LRRTM3: variants seen among roughly 807,000 people sequenced by gnomAD.
The protein encoded by LRRTM3 is leucine-rich repeat transmembrane neuronal protein 3.
A neutral mutation model predicts 44.7 loss-of-function variants in LRRTM3; 24 were observed. That is an observed-to-expected ratio of 0.54 (90% CI 0.39 to 0.76). LRRTM3 has a LOEUF of 0.76. LRRTM3 is among the 30% of genes least tolerant of loss of function. The probability of loss-of-function intolerance (pLI) is 0.00; values close to 1 mark genes in which losing one functional copy is unlikely to be tolerated. For missense variants in LRRTM3, 587 were observed against 702.2 expected (o/e 0.84, Z 1.85); for synonymous variants, 277 against 278.7 (o/e 0.99, Z 0.06).
chr10:66,969,734 ATTTT>A (rs1305591514), intron 2 of LRRTM3, among the ~76,000 whole-genome samples: 1 of 152,046 alleles, frequency 6.6e-6, no homozygotes, highest in African/African-American at 2.4e-5. Context: ...GTGAGATTGA[ATTTT>A]TTGTTTGTTT....
chr10:67,068,620 A>T (rs1242920800), intron 2 of LRRTM3, among the ~76,000 whole-genome samples: 1 of 152,236 alleles, frequency 6.6e-6, no homozygotes, highest in Non-Finnish European at 1.5e-5. Context: ...AAAAAAGACA[A>T]GAAGAAAATG....
intron 2 of LRRTM3, among the ~76,000 whole-genome samples, chr10:66,993,682 T>C (rs550359291): frequency 3.4e-4 from 43 of 125,112 alleles, no homozygotes; most frequent in Non-Finnish European, 6.2e-4. Context: ...CTTGCACTAA[T>C]GATACATAAA....
chr10:67,066,315 C>T (rs978344458), intron 2 of LRRTM3, among the ~76,000 whole-genome samples: 6 of 151,736 alleles, frequency 4.0e-5, no homozygotes, highest in African/African-American at 1.5e-4. Flanking sequence ...GCCTCAGCCT[C>T]CCAAGTAACT....
intron 2 of LRRTM3, among the ~76,000 whole-genome samples, chr10:67,082,537 A>T (rs1857104511): frequency 6.6e-6 from 1 of 152,172 alleles, no homozygotes; most frequent in Admixed American, 6.5e-5. Flanking sequence ...AGAAGTTGAG[A>T]ATCACTTTCT....
chr10:67,005,680 A>ATTTTTTTTTTTTTT (rs1564825972), intron 2 of LRRTM3, among the ~76,000 whole-genome samples: 22 of 26,344 alleles, frequency 8.4e-4, no homozygotes, highest in Admixed American at 1.6e-3. Flanking sequence ...ATTTTACTCC[A>ATTTTTTTTTTTTTT]TCTTTTTTTT....
In LRRTM3 at chr10:67,093,799, C is replaced by G. The variant is rs143770838; in HGVS notation, c.1537-3788C>G. Among the ~76,000 whole-genome samples, 41 of 152,096 alleles carry G rather than the reference C, an allele frequency of 2.7e-4. No homozygotes were observed. In the East Asian group the frequency reaches 7.6e-3, roughly 28 times the overall value. ...CATTTTAGATTTAGTTTATTTGAAA[C>G]ATAAATAGGTTTCATCCTAGTCACA... On this transcript the variant is annotated intron_variant, in intron 2 of 2. Coordinates refer to ENST00000361320, the MANE Select transcript of LRRTM3 (RefSeq NM_178011.5).
intron 2 of LRRTM3, among the ~76,000 whole-genome samples, chr10:66,978,035 GAAAT>G (rs1850151569): frequency 7.1e-6 from 1 of 141,582 alleles, no homozygotes; most frequent in Admixed American, 7.7e-5. Flanking sequence ...CATCATGAGT[GAAAT>G]AAATTTGCAC....
intron 2 of LRRTM3, among the ~76,000 whole-genome samples, chr10:66,962,959 C>A (rs893478590): frequency 1.3e-5 from 2 of 149,902 alleles, no homozygotes; most frequent in African/African-American, 5.0e-5. Flanking sequence ...GGCAAGAATT[C>A]AATAAGTAGT....
intron 2 of LRRTM3, among the ~76,000 whole-genome samples, chr10:66,998,563 G>A (rs78518419): frequency 0.029 from 4,432 of 151,962 alleles, 116 homozygotes; most frequent in Non-Finnish European, 0.038. Context: ...GAATGACAAT[G>A]AACAGAAGAA....
intron 2 of LRRTM3, among the ~76,000 whole-genome samples, chr10:66,948,944 C>T (rs1164898873): frequency 2.6e-5 from 4 of 152,128 alleles, no homozygotes; most frequent in Admixed American, 6.5e-5. Context: ...AGAACAAAGA[C>T]ATAATTCCAG....
At chr10:66,938,324 C>T (rs1297918081) in intron 2 of LRRTM3, among the ~76,000 whole-genome samples, 1 of 152,042 alleles carries the variant, frequency 6.6e-6, no homozygotes. Flanking sequence ...ATATTTTACT[C>T]CCCCAGAACT....
rs559069291 is a variant in LRRTM3 at position 67,005,305 on chromosome 10, G to A, written c.1536+76853G>A. 1.3e-4 allele frequency among the ~76,000 whole-genome samples: 20 copies of A among 152,174 alleles called. No homozygotes were observed. The South Asian group carries it at 4.1e-3, about 32-fold the overall frequency. On this transcript the variant is annotated intron_variant, in intron 2 of 2. Coordinates refer to ENST00000361320, the MANE Select transcript of LRRTM3 (RefSeq NM_178011.5). ...CATCTTTACCAACCTCCTCATCAAT[G>A]TGGAAGAGGCATAATTGAAGGGAGA...
intron 2 of LRRTM3, among the ~76,000 whole-genome samples, chr10:67,036,852 G>T (rs1318673665): frequency 1.3e-5 from 2 of 151,702 alleles, no homozygotes; most frequent in Non-Finnish European, 2.9e-5. Context: ...TAGGATAAAA[G>T]CAAAATATAT....
intron 2 of LRRTM3, among the ~76,000 whole-genome samples, chr10:67,080,400 A>G (rs1000584922): frequency 1.3e-5 from 2 of 152,214 alleles, no homozygotes; most frequent in African/African-American, 4.8e-5. Context: ...GAACACATTT[A>G]AATAAACTGA....
chr10:67,072,964 T>C (rs1207903553), intron 2 of LRRTM3, among the ~76,000 whole-genome samples: 1 of 152,026 alleles, frequency 6.6e-6, no homozygotes, highest in African/African-American at 2.4e-5. Context: ...ATCCCTCAAG[T>C]CTCCAGTTTG....
chr10:66,998,966 C>A (rs561467191), intron 2 of LRRTM3, among the ~76,000 whole-genome samples: 134 of 152,136 alleles, frequency 8.8e-4, no homozygotes, highest in African/African-American at 3.2e-3. Flanking sequence ...TCTCAATCAA[C>A]ACCAAAAATT....
At position 66,951,283 on chromosome 10, in the gene LRRTM3, T is replaced by A. The variant is rs1271606843; in HGVS notation, c.1536+22831T>A. 2.0e-5 allele frequency among the ~76,000 whole-genome samples: 3 copies of A among 151,906 alleles called. No homozygotes were observed. In the East Asian group the frequency reaches 5.8e-4, roughly 30 times the overall value. Reference sequence around the variant, plus strand: ...GGCATGCACCACCACCCCTGGCCAATTTTTGTATTTTTAGTAGAGATGGGG... The same window carrying A: ...GGCATGCACCACCACCCCTGGCCAAATTTTGTATTTTTAGTAGAGATGGGG... On this transcript the variant is annotated intron_variant, in intron 2 of 2. Transcript: ENST00000361320.
At chr10:66,942,642 T>C (rs944466292) in intron 2 of LRRTM3, among the ~76,000 whole-genome samples, 23 of 151,658 alleles carry the variant, frequency 1.5e-4, no homozygotes, top group African/African-American at 5.3e-4. Flanking sequence ...TTCCCTTTTT[T>C]CTCCTTCCTC....
intron 2 of LRRTM3, among the ~76,000 whole-genome samples, chr10:67,053,826 C>T (rs953375308): frequency 1.3e-5 from 2 of 152,258 alleles, no homozygotes; most frequent in African/African-American, 4.8e-5. Flanking sequence ...GAAGCCAAAA[C>T]AAAATCCGAG....
Sources: allele counts gnomAD v4.1 joint callset (sites outside exome capture counted in the v4.1 genomes callset), GRCh38; gene constraint gnomAD v4.1.1; transcripts MANE v1.5; gene names NCBI Gene and HGNC (gene_info 2026-07-23, HGNC 2026-07-21).